LINGO2: variants seen among roughly 807,000 people sequenced by gnomAD.
LINGO2 encodes the protein leucine-rich repeat and immunoglobulin-like domain-containing nogo receptor-interacting protein 2.
In LINGO2, 14 loss-of-function variants were observed where a neutral mutation model predicts 30.6. The ratio of observed to expected loss-of-function variants is 0.46; its 90% CI spans 0.30 to 0.72. LINGO2 has a LOEUF of 0.72. LINGO2 is among the 30% of genes least tolerant of loss of function. LINGO2 has a pLI of 0.07. For synonymous variants in LINGO2, 317 were observed against 288.5 expected, an observed-to-expected ratio of 1.10 and a Z score of -1.00; for missense variants, 729 against 751.7, an observed-to-expected ratio of 0.97 and a Z score of 0.35.
rs36101397 is a variant in LINGO2 at position 28,632,881 on chromosome 9, TAGAGAGAG to T, written c.-365+37311_-365+37318del. The stretch of plus-strand genomic sequence containing the variant: ...TTATATATATATATATATATATATG[TAGAGAGAG>T]AGAGAGAGAGAGAGAGAGAGAGAGG... On this transcript the variant is annotated intron_variant, in intron 1 of 5. Coordinates refer to ENST00000379992, the Ensembl canonical transcript of LINGO2. Among the ~76,000 whole-genome samples, 20 of 61,914 alleles carry T rather than the reference TAGAGAGAG, an allele frequency of 3.2e-4. No homozygotes were observed. The South Asian group carries it at 4.0e-3, about 12-fold the overall frequency. The allele number at this position is 61,914 out of a possible 152,430, so 40.6% of individuals were successfully genotyped here.
chr9:29,038,227 C>T, the LINGO2 span, among the ~76,000 whole-genome samples: 1 of 152,112 alleles, frequency 6.6e-6, no homozygotes, highest in Admixed American at 6.6e-5. Flanking sequence ...CGGTTATACT[C>T]CCACCATCAG....
At chr9:27,989,677 A>T (rs886800518) in intron 5 of LINGO2, among the ~76,000 whole-genome samples, 2 of 151,968 alleles carry the variant, frequency 1.3e-5, no homozygotes, top group Non-Finnish European at 2.9e-5. Context: ...GAACAAAAGA[A>T]CACAGATAAC....
At chr9:28,482,243 G>A (rs1826001449) in intron 1 of LINGO2, among the ~76,000 whole-genome samples, 1 of 151,920 alleles carries the variant, frequency 6.6e-6, no homozygotes, top group African/African-American at 2.4e-5. Flanking sequence ...CCCACCAACA[G>A]TGTAAAAGTG....
intron 4 of LINGO2, among the ~76,000 whole-genome samples, chr9:28,252,732 C>CA (rs1460136631): frequency 6.6e-6 from 1 of 151,878 alleles, no homozygotes; most frequent in African/African-American, 2.4e-5. Flanking sequence ...TGATTTTCTT[C>CA]AACTCTTACT....
chr9:28,146,504 A>G lies in LINGO2; in HGVS notation c.-86-134099T>C, dbSNP rs536810527. On this transcript the variant is annotated intron_variant, in intron 4 of 5. Coordinates refer to ENST00000379992, the Ensembl canonical transcript of LINGO2. ...AATTAAATATTTGAAAACCTAGATA[A>G]AGTAATCGATTTTTTAGAAAAACAT... Among the ~76,000 whole-genome samples, 206 of 129,744 alleles carry G rather than the reference A, an allele frequency of 1.6e-3. 2 individuals are homozygous for G. The highest frequency in any genetic ancestry group is 6.1e-3 in the African/African-American group (190 of 30,948). The allele number at this position is 129,744 out of a possible 152,430, so 85.1% of individuals were successfully genotyped here.
the LINGO2 span, among the ~76,000 whole-genome samples, chr9:29,160,070 AG>A: frequency 6.6e-6 from 1 of 152,198 alleles, no homozygotes; most frequent in Non-Finnish European, 1.5e-5. Context: ...CAATCTTTAT[AG>A]TATATCAGAA....
intron 2 of LINGO2, among the ~76,000 whole-genome samples, chr9:28,455,908 C>CCCTCTGTAT (rs1460574666): frequency 6.6e-6 from 1 of 152,082 alleles, no homozygotes; most frequent in Non-Finnish European, 1.5e-5. Context: ...GACCATGATG[C>CCCTCTGTAT]CCTCTGTATC....
At chr9:28,558,840 T>C (rs1000860475) in intron 1 of LINGO2, among the ~76,000 whole-genome samples, 5 of 152,028 alleles carry the variant, frequency 3.3e-5, no homozygotes, top group African/African-American at 1.2e-4. Context: ...GTTTAATTAC[T>C]CTTACTGGTC....
intron 1 of LINGO2, among the ~76,000 whole-genome samples, chr9:28,506,476 AC>A (rs1820131831): frequency 1.9e-5 from 1 of 52,866 alleles, no homozygotes; most frequent in African/African-American, 5.4e-5. Flanking sequence ...ACACACACAC[AC>A]ACATACACAT....
Position 28,365,228 on chromosome 9 carries a change from A to T in LINGO2, c.-246+7608T>A, listed in dbSNP as rs73433345. Among the ~76,000 whole-genome samples, 1,188 of 152,194 alleles carry T rather than the reference A, an allele frequency of 7.8e-3. 15 individuals carry two copies. The highest frequency in any genetic ancestry group is 0.028 in the African/African-American group (1,145 of 41,522). ...TGGCGGGAAAGGGCATTCTCAATAG[A>T]GGGAACGTGAAGAATTTAGTGTGGT... On this transcript the variant is annotated intron_variant, in intron 3 of 5. Coordinates refer to ENST00000379992, the Ensembl canonical transcript of LINGO2.
intron 4 of LINGO2, among the ~76,000 whole-genome samples, chr9:28,179,519 A>G (rs568029563): frequency 1.1e-4 from 11 of 100,462 alleles, no homozygotes; most frequent in African/African-American, 3.8e-4. Context: ...TATATAGTTT[A>G]TATATATAAA....
chr9:29,000,665 T>A, the LINGO2 span, among the ~76,000 whole-genome samples: 1 of 152,034 alleles, frequency 6.6e-6, no homozygotes, highest in African/African-American at 2.4e-5. Context: ...AACATAGAGC[T>A]TTTATTCCTC....
chr9:28,665,616 G>A (rs769370338), intron 1 of LINGO2, among the ~76,000 whole-genome samples: 1 of 152,078 alleles, frequency 6.6e-6, no homozygotes, highest in Non-Finnish European at 1.5e-5. Context: ...TGAACTTCCA[G>A]CATTTATAAT....
At position 28,304,360 on chromosome 9, in the gene LINGO2, T is replaced by C. The variant is rs1479677476; in HGVS notation, c.-245-8994A>G. Among the ~76,000 whole-genome samples, 6 of 151,320 alleles carry C rather than the reference T, an allele frequency of 4.0e-5. No individual in the cohort carries two copies. In the East Asian group the frequency reaches 9.6e-4, roughly 24 times the overall value. Reference sequence around the variant, plus strand: ...ATTACATTATATACACATATACTGATTTATAAATATATACATGATATGTAT... The same window carrying C: ...ATTACATTATATACACATATACTGACTTATAAATATATACATGATATGTAT... On this transcript the variant is annotated intron_variant, in intron 3 of 5. Coordinates refer to ENST00000379992, the Ensembl canonical transcript of LINGO2.
chr9:28,688,868 T>C, the LINGO2 span, among the ~76,000 whole-genome samples: 2 of 152,290 alleles, frequency 1.3e-5, no homozygotes, highest in Non-Finnish European at 2.9e-5. Context: ...TCCTATAATA[T>C]GTCATCTGTC....
chr9:28,044,916 T>TA (rs1824348579), intron 4 of LINGO2, among the ~76,000 whole-genome samples: 2 of 152,170 alleles, frequency 1.3e-5, no homozygotes, highest in South Asian at 4.1e-4. Flanking sequence ...CAAAGTAATA[T>TA]AGGAGCGATG....
intron 1 of LINGO2, among the ~76,000 whole-genome samples, chr9:28,479,738 A>G (rs1435215634): frequency 6.6e-6 from 1 of 150,836 alleles, no homozygotes; most frequent in Non-Finnish European, 1.5e-5. Flanking sequence ...TTTCAGGAAC[A>G]TGTGTCTAGT....
the LINGO2 span, among the ~76,000 whole-genome samples, chr9:28,969,356 CA>C: frequency 2.6e-5 from 4 of 151,994 alleles, no homozygotes; most frequent in African/African-American, 9.7e-5. Flanking sequence ...GTATAAAGAC[CA>C]GGGGCAGGTA....
intron 1 of LINGO2, among the ~76,000 whole-genome samples, chr9:28,559,336 C>T (rs1260353445): frequency 6.6e-6 from 1 of 152,194 alleles, no homozygotes. Flanking sequence ...CAAATTGCTG[C>T]TTGAGAATAT....
Sources: gnomAD v4.1 joint callset for allele counts (sites outside exome capture counted in the v4.1 genomes callset) on GRCh38, gnomAD v4.1.1 for gene constraint, MANE v1.5 for transcripts, NCBI Gene and HGNC (gene_info 2026-07-23, HGNC 2026-07-21) for gene names.